The following TRMT9B variants were observed in gnomAD, a reference collection of about 807,000 sequenced individuals.
TRMT9B encodes tRNA methyltransferase 9B (putative).
Under a neutral mutation model 11.5 loss-of-function variants are expected in TRMT9B, and 16 were observed. The observed-to-expected ratio is 1.39, with a 90% CI of 0.94 to 2.11. The LOEUF is 2.11. Ranked by LOEUF, TRMT9B falls within the 30% of genes most tolerant of loss-of-function variation. The pLI, the probability that TRMT9B is intolerant of heterozygous loss-of-function variation, is 0.00. For missense variants in TRMT9B, 941 were observed against 553.8 expected (o/e 1.70, Z -7.02); for synonymous variants, 274 against 192.4 (o/e 1.42, Z -3.51).
chr8:12,951,402 G>C (rs1160153830), intron 1 of TRMT9B: 2 of 152,368 alleles, frequency 1.3e-5, no homozygotes, highest in East Asian at 1.9e-4. Flanking sequence ...GATGCGCTGC[G>C]GGCCGACCAG....
intron 1 of TRMT9B, among the ~76,000 whole-genome samples, chr8:12,963,918 C>G (rs931943167): frequency 2.0e-5 from 3 of 152,184 alleles, no homozygotes; most frequent in Admixed American, 6.5e-5. Flanking sequence ...AGTCCTTGCT[C>G]CTCAAGAAAC....
Position 12,967,932 on chromosome 8 carries a change from G to T in TRMT9B, c.-200+21966G>T, listed in dbSNP as rs147388483. Among the ~76,000 whole-genome samples, 478 of 152,268 alleles carry T rather than the reference G, an allele frequency of 3.1e-3. 1 individual carries two copies. Among genetic ancestry groups the T allele is most frequent in the South Asian group, 0.017 (81 of 4,824 alleles). On this transcript the variant is annotated intron_variant, in intron 1 of 4. Transcript: ENST00000524591. ...ACTTTCTGAGACAGGCTCTTGCTCT[G>T]TTGCCCAGGCTGGAGTGCAGTGGCA...
At chr8:13,014,896 A>G (rs527497110) in intron 4 of TRMT9B, among the ~76,000 whole-genome samples, 4 of 152,130 alleles carry the variant, frequency 2.6e-5, no homozygotes, top group East Asian at 3.9e-4. Context: ...CCCCGTCTCT[A>G]CTAAAAATGC....
intron 1 of TRMT9B, among the ~76,000 whole-genome samples, chr8:12,969,199 T>A (rs1803241431): frequency 6.6e-6 from 1 of 151,920 alleles, no homozygotes; most frequent in Admixed American, 6.6e-5. Flanking sequence ...AGAGTGAAAC[T>A]GTGTCTAAAA....
chr8:13,006,542 C>G (rs1428315960), intron 3 of TRMT9B, 186 bp downstream of exon 3: 1 of 1,433,496 alleles, frequency 7.0e-7, no homozygotes, highest in Non-Finnish European at 9.1e-7. Context: ...ATTGATTTTT[C>G]ATTTTTGTTC....
chr8:12,960,357 G>C (rs944636197), intron 1 of TRMT9B: 1 of 152,168 alleles, frequency 6.6e-6, no homozygotes, highest in Non-Finnish European at 1.5e-5. Context: ...AACCAAACAC[G>C]TATTAAGGAG....
chr8:12,967,800 T>A (rs1415727027), intron 1 of TRMT9B, among the ~76,000 whole-genome samples: 1 of 152,228 alleles, frequency 6.6e-6, no homozygotes, highest in African/African-American at 2.4e-5. Context: ...AAATGGGTTT[T>A]GAAGCATTGT....
intron 2 of TRMT9B, among the ~76,000 whole-genome samples, chr8:12,996,051 G>C (rs1808278318): frequency 6.6e-6 from 1 of 152,184 alleles, no homozygotes; most frequent in African/African-American, 2.4e-5. Context: ...AAGGTAAGCA[G>C]CAATAGCAAC....
intron 1 of TRMT9B, among the ~76,000 whole-genome samples, chr8:12,984,954 T>TACACACAC (rs112248064): frequency 5.5e-4 from 75 of 136,530 alleles, no homozygotes; most frequent in African/African-American, 2.3e-3. Context: ...TCCCTCAACA[T>TACACACAC]ACACACACAC....
intron 1 of TRMT9B, among the ~76,000 whole-genome samples, chr8:12,962,458 G>A (rs761277243): frequency 1.3e-4 from 19 of 151,910 alleles, no homozygotes; most frequent in Non-Finnish European, 2.6e-4. Context: ...TCCTTAAGAT[G>A]ATGTGTTCTG....
At position 13,022,478 on chromosome 8, in the gene TRMT9B, T is replaced by C. The variant is rs73548448; in HGVS notation, c.*434T>C. On this transcript the variant is annotated 3_prime_UTR_variant, in exon 5 of 5. Coordinates refer to ENST00000524591, the MANE Select transcript of TRMT9B (RefSeq NM_020844.3). Reference sequence around the variant, plus strand: ...TTATAACTGAGAGCAGTGTGCAAGATAATAGGTAAATTTGATCCATTGCAC... The same window carrying C: ...TTATAACTGAGAGCAGTGTGCAAGACAATAGGTAAATTTGATCCATTGCAC... 0.026 allele frequency: 4,444 copies of C among 169,888 alleles called. 223 individuals carry two copies. The highest frequency in any genetic ancestry group is 0.1 in the African/African-American group (4,154 of 41,578). The allele number at this position is 169,888 out of a possible 1,614,324, so 10.5% of individuals were successfully genotyped here.
At chr8:12,946,392 G>T (rs1049883346) in intron 1 of TRMT9B, among the ~76,000 whole-genome samples, 1 of 152,162 alleles carries the variant, frequency 6.6e-6, no homozygotes. Context: ...AAGCAGTACA[G>T]ATACAAAATT....
intron 1 of TRMT9B, among the ~76,000 whole-genome samples, chr8:12,981,033 C>T (rs886421184): frequency 2.6e-5 from 4 of 151,562 alleles, no homozygotes; most frequent in South Asian, 2.1e-4. Context: ...TATAAATCCA[C>T]GAAGTCACTA....
chr8:13,008,274 T>C (rs760022287), intron 3 of TRMT9B, among the ~76,000 whole-genome samples: 16 of 152,242 alleles, frequency 1.1e-4, no homozygotes, highest in Non-Finnish European at 1.9e-4. Flanking sequence ...AGCCTTCTTA[T>C]GTTCAGGAAC....
chr8:12,966,159 A>G (rs1346044198), intron 1 of TRMT9B, among the ~76,000 whole-genome samples: 1 of 140,246 alleles, frequency 7.1e-6, no homozygotes, highest in Non-Finnish European at 1.6e-5. Context: ...GACCCCCCCC[A>G]TCTCTACAGA....
At chr8:12,971,098 C>A (rs1299525961) in intron 1 of TRMT9B, among the ~76,000 whole-genome samples, 1 of 152,178 alleles carries the variant, frequency 6.6e-6, no homozygotes, top group Non-Finnish European at 1.5e-5. Context: ...ACCGTCACCT[C>A]AAACATGTAT....
intron 1 of TRMT9B, among the ~76,000 whole-genome samples, chr8:12,969,206 A>G (rs1803243273): frequency 6.6e-6 from 1 of 151,634 alleles, no homozygotes; most frequent in Non-Finnish European, 1.5e-5. Flanking sequence ...AACTGTGTCT[A>G]AAAACAAACA....
chr8:13,006,631 A>G, intron 3 of TRMT9B: 2 of 1,359,490 alleles, frequency 1.5e-6, no homozygotes, highest in Non-Finnish European at 1.9e-6. Context: ...CGAGACAGTC[A>G]AGTCAGCAGC....
chr8:12,976,611 A>G (rs752821862), intron 1 of TRMT9B, among the ~76,000 whole-genome samples: 1 of 152,138 alleles, frequency 6.6e-6, no homozygotes. Flanking sequence ...AAATAAAAAT[A>G]ACATATCAGT....
Sources: allele counts gnomAD v4.1 joint callset (sites outside exome capture counted in the v4.1 genomes callset), GRCh38; gene constraint gnomAD v4.1.1; transcripts MANE v1.5; gene names NCBI Gene and HGNC (gene_info 2026-07-23, HGNC 2026-07-21).